LBHD1: variants seen among roughly 807,000 people sequenced by gnomAD.
LBHD1 encodes the protein LBH domain-containing protein 1.
LBHD1 carries 28 observed loss-of-function variants against 31.1 expected under a neutral mutation model. The ratio of observed to expected loss-of-function variants is 0.90; its 90% CI spans 0.67 to 1.24. LBHD1 has a LOEUF of 1.24. Ranked by LOEUF, LBHD1 falls within the 50% of genes most tolerant of loss-of-function variation. The pLI is 0.00. For missense variants in LBHD1, 350 were observed against 323.0 expected, an observed-to-expected ratio of 1.08 and a Z score of -0.64; for synonymous variants, 105 against 116.5, an observed-to-expected ratio of 0.90 and a Z score of 0.63.
chr11:62,665,474 G>A (rs757381528), intron 4 of LBHD1: 3 of 1,575,208 alleles, frequency 1.9e-6, no homozygotes, highest in East Asian at 2.3e-5. Context: ...CGTAATGTAC[G>A]GAGGAAGAGG....
intron 4 of LBHD1, chr11:62,667,115 T>C (rs1455655517): frequency 1.4e-5 from 21 of 1,476,550 alleles, no homozygotes; most frequent in Non-Finnish European, 1.7e-5. Flanking sequence ...AGAACTGTCT[T>C]TGCAAGCTAT....
chr11:62,671,160 A>G, intron 1 of LBHD1: 1 of 376,074 alleles, frequency 2.7e-6, no homozygotes, highest in Non-Finnish European at 5.3e-6. Context: ...AAAAAAACCC[A>G]AACAATACCA....
intron 4 of LBHD1, chr11:62,667,041 G>A: frequency 1.3e-6 from 2 of 1,599,360 alleles, no homozygotes; most frequent in South Asian, 1.1e-5. Context: ...TTGATTCAAG[G>A]CTCTCATTAA....
chr11:62,671,175 T>C, intron 1 of LBHD1: 1 of 428,864 alleles, frequency 2.3e-6, no homozygotes, highest in African/African-American at 2.0e-5. Flanking sequence ...ATACCAAGTG[T>C]GTACCATGAC....
chr11:62,670,583 C>G (rs1446078124), intron 1 of LBHD1: 1 of 153,780 alleles, frequency 6.5e-6, no homozygotes. Flanking sequence ...GTATGTTACA[C>G]GAATCCAGCC....
In LBHD1 at chr11:62,672,023, T is replaced by C. The variant is rs758729192; in HGVS notation, c.-470A>G. 4.3e-6 allele frequency: 7 copies of C among 1,613,300 alleles called. No homozygotes were observed. The East Asian group carries it at 1.6e-4, about 36-fold the overall frequency. ...ACCCAGCAGCTATTGCTGGCCACTC[T>C]GCAGGAGGCAGCGACCACGCAGGAG... On this transcript the variant is annotated 5_prime_UTR_variant, in exon 1 of 7. Coordinates refer to ENST00000354588, the MANE Select transcript of LBHD1 (RefSeq NM_024099.5).
rs530958358 is a variant in LBHD1, at chr11:62,665,924, G to A, written c.539-951C>T. On this transcript the variant is annotated intron_variant, in intron 4 of 6. Transcript: ENST00000354588. ...TGCTCCACTTGCCGAGCCTGATGAT[G>A]GGGACGTGCCGCCCCTTTGCGGGTA... is the stretch of plus-strand genomic sequence containing the variant. 6.2e-6 allele frequency: 10 copies of A among 1,613,026 alleles called. No individual in the cohort carries two copies. The South Asian group carries it at 1.1e-4, about 18-fold the overall frequency.
chr11:62,668,766 T>C (rs1944885710), intron 3 of LBHD1, among the ~76,000 whole-genome samples: 2 of 149,874 alleles, frequency 1.3e-5, no homozygotes, highest in South Asian at 2.1e-4. Context: ...TCATTGCCAC[T>C]GCACTCCAGC....
chr11:62,666,235 C>T lies in LBHD1; in HGVS notation c.539-1262G>A, dbSNP rs980072163. ...CCTATAGTCCTAGCTACTCAGGAGG[C>T]TGAGGTGGAGGCTTCAGTGAGCCAT... On this transcript the variant is annotated intron_variant, in intron 4 of 6. Coordinates refer to ENST00000354588, the MANE Select transcript of LBHD1 (RefSeq NM_024099.5). The T allele has an allele frequency of 3.8e-6, 3 of 798,996 alleles. No homozygotes were observed. The African/African-American group carries it at 5.2e-5, about 14-fold the overall frequency. The allele number at this position is 798,996 out of a possible 1,614,324, so 49.5% of individuals were successfully genotyped here.
intron 1 of LBHD1, 186 bp downstream of exon 1, chr11:62,671,378 A>T (rs1375079727): frequency 7.8e-7 from 1 of 1,285,214 alleles, no homozygotes; most frequent in Non-Finnish European, 1.0e-6. Context: ...CACAGAGCAC[A>T]GCTCGGGCCT....
intron 4 of LBHD1, chr11:62,667,018 C>G: frequency 6.2e-7 from 1 of 1,609,328 alleles, no homozygotes; most frequent in Non-Finnish European, 8.5e-7. Context: ...GGGGCATCAC[C>G]TACTTTGCTT....
At position 62,665,349 on chromosome 11, in the gene LBHD1, C is replaced by T. The variant is rs548872535; in HGVS notation, c.539-376G>A. Reference sequence around the variant, plus strand: ...GGTGAGCTAGTAAGTGTGGTTTTAGCTGTAGTAGCCAGATTGGGCGGCCGG... The same window carrying T: ...GGTGAGCTAGTAAGTGTGGTTTTAGTTGTAGTAGCCAGATTGGGCGGCCGG... On this transcript the variant is annotated intron_variant, in intron 4 of 6. Coordinates refer to ENST00000354588, the MANE Select transcript of LBHD1 (RefSeq NM_024099.5). 9 of 817,486 alleles carry T rather than the reference C, an allele frequency of 1.1e-5. No individual in the cohort carries two copies. The East Asian group carries it at 2.1e-4, about 19-fold the overall frequency. 50.6% of individuals were successfully genotyped at this position (817,486 alleles called of 1,614,324 possible). A position where few individuals can be genotyped will look rare whatever the true frequency, so the allele number is the denominator to read the frequency against.
At position 62,664,954 on chromosome 11, in the gene LBHD1, A is replaced by C; in HGVS notation, c.558T>G (p.Val186=). The part of the protein sequence containing the change: ...NSFEGAEEEA[V]QTPAGVESGA... ...CCGATTCAACACCCGCCGGCGTTTG[A>C]ACAGCTTCTTCTTCAGCTCCTGCCG... Residue 186 remains valine, a synonymous_variant, in exon 5 of 7, where the codon GTT becomes GTG. Coordinates refer to ENST00000354588, the MANE Select transcript of LBHD1 (RefSeq NM_024099.5). 6.2e-7 allele frequency: 1 copy of C among 1,612,180 alleles called. No homozygotes were observed. Among genetic ancestry groups the C allele is most frequent in the African/African-American group, 1.3e-5 (1 of 75,034 alleles).
At chr11:62,670,591 G>C (rs1026544047) in intron 1 of LBHD1, 1 of 153,654 alleles carries the variant, frequency 6.5e-6, no homozygotes, top group Non-Finnish European at 1.4e-5. Flanking sequence ...CACGAATCCA[G>C]CCTTTTAGTG....
intron 1 of LBHD1, 106 bp downstream of exon 1, chr11:62,671,458 C>G (rs1186168514): frequency 1.4e-5 from 18 of 1,325,160 alleles, no homozygotes; most frequent in Non-Finnish European, 1.8e-5. Flanking sequence ...CATGAAGACA[C>G]GCACTCTCCC....
At chr11:62,666,544 G>A (rs1452963032) in intron 4 of LBHD1, 3 of 1,614,188 alleles carry the variant, frequency 1.9e-6, no homozygotes, top group Middle Eastern at 1.6e-4. Context: ...AGGAGGCACA[G>A]GCTGCCAGTC....
Position 62,662,905 on chromosome 11 carries a change from G to A in LBHD1, c.*224C>T. The stretch of plus-strand genomic sequence containing the variant: ...CTTCTGTACCTTCTTCCCTCCCAAA[G>A]ACATCCCTCTAGGGGAGGTCAGTAG... On this transcript the variant is annotated 3_prime_UTR_variant, in exon 7 of 7. Transcript: ENST00000354588. The A allele has an allele frequency of 9.4e-6, 6 of 635,192 alleles. No homozygotes were observed. In the South Asian group the frequency reaches 1.2e-4, roughly 13 times the overall value. The allele number at this position is 635,192 out of a possible 1,614,324, so 39.3% of individuals were successfully genotyped here.
chr11:62,670,120 T>C, intron 1 of LBHD1, 79 bp from the exon 2 acceptor site: 1 of 1,441,270 alleles, frequency 6.9e-7, no homozygotes, highest in Admixed American at 2.3e-5. Flanking sequence ...TTAATCTTCT[T>C]TGGAGCCTGG....
At chr11:62,667,008 G>A (rs764725927) in intron 4 of LBHD1, 58 of 1,612,012 alleles carry the variant, frequency 3.6e-5, no homozygotes, top group Non-Finnish European at 4.6e-5. Flanking sequence ...GGCCCGTTCA[G>A]GGGCATCACC....
Sources: allele counts gnomAD v4.1 joint callset (sites outside exome capture counted in the v4.1 genomes callset), GRCh38; gene constraint gnomAD v4.1.1; transcripts MANE v1.5; gene names NCBI Gene and HGNC (gene_info 2026-07-23, HGNC 2026-07-21).